The following HDAC5 variants were observed in gnomAD, a reference collection of about 807,000 sequenced individuals.
HDAC5 encodes the protein histone deacetylase 5, also known as antigen NY-CO-9.
In HDAC5, 25 loss-of-function variants were observed where a neutral mutation model predicts 133.3. That is an observed-to-expected ratio of 0.19 (90% CI 0.14 to 0.26). The LOEUF (loss-of-function observed/expected upper bound fraction) is 0.26, where lower values mean the gene tolerates loss of function less well. Ranked by LOEUF, HDAC5 falls within the 10% of genes least tolerant of loss-of-function variation. The pLI, the probability that HDAC5 is intolerant of heterozygous loss-of-function variation, is 1.00. For missense variants in HDAC5, 1,041 were observed against 1,460.5 expected (o/e 0.71, Z 4.68); for synonymous variants, 589 against 610.8 (o/e 0.96, Z 0.53).
intron 3 of HDAC5, among the ~76,000 whole-genome samples, chr17:44,095,388 G>C (rs1260524785): frequency 2.0e-5 from 3 of 152,206 alleles, no homozygotes; most frequent in South Asian, 2.1e-4. Flanking sequence ...GTTGGTTCTA[G>C]GACTGACAGT....
At chr17:44,115,250 G>C (rs2052579684) in intron 2 of HDAC5, among the ~76,000 whole-genome samples, 1 of 152,338 alleles carries the variant, frequency 6.6e-6, no homozygotes. Context: ...TGGGGAAAGA[G>C]GAGCAAGTGT....
intron 20 of HDAC5, 113 bp downstream of exon 20, chr17:44,082,472 G>A (rs2050440548): frequency 2.5e-6 from 2 of 804,610 alleles, no homozygotes; most frequent in Non-Finnish European, 4.2e-6. Context: ...AGCACCCGAG[G>A]ATGAGGACGA....
At chr17:44,102,900 T>G (rs959750829) in intron 3 of HDAC5, among the ~76,000 whole-genome samples, 1 of 149,544 alleles carries the variant, frequency 6.7e-6, no homozygotes, top group African/African-American at 2.5e-5. Flanking sequence ...TCCCCCGACC[T>G]CAGCTGATCC....
chr17:44,082,953 C>A, intron 18 of HDAC5, 133 bp from the exon 19 acceptor site: 1 of 749,308 alleles, frequency 1.3e-6, no homozygotes, highest in South Asian at 1.7e-5. Flanking sequence ...ATGTTTAATG[C>A]ACAATTTTGT....
At chr17:44,096,636 G>A (rs1597982560) in intron 3 of HDAC5, among the ~76,000 whole-genome samples, 2 of 152,074 alleles carry the variant, frequency 1.3e-5, no homozygotes, top group Admixed American at 1.3e-4. Context: ...ACCACGCTCA[G>A]CTAATTTTTT....
chr17:44,082,906 G>T, intron 18 of HDAC5, 86 bp from the exon 19 acceptor site: 3 of 1,151,160 alleles, frequency 2.6e-6, no homozygotes, highest in Non-Finnish European at 3.8e-6. Context: ...CACAAGCCAG[G>T]CAGGGAAGTG....
chr17:44,111,944 T>C (rs965673961), intron 2 of HDAC5, among the ~76,000 whole-genome samples: 2 of 152,182 alleles, frequency 1.3e-5, no homozygotes, highest in African/African-American at 4.8e-5. Context: ...TCCATGGCAA[T>C]GTGCCAGGTG....
At chr17:44,088,958 C>G (rs1297849884) in intron 11 of HDAC5, among the ~76,000 whole-genome samples, 5 of 152,024 alleles carry the variant, frequency 3.3e-5, no homozygotes, top group African/African-American at 1.2e-4. Flanking sequence ...CATGGATCCT[C>G]CCCGTGGATC....
chr17:44,110,916 G>A (rs765486381), intron 2 of HDAC5, 116 bp from the exon 3 acceptor site: 9 of 847,224 alleles, frequency 1.1e-5, no homozygotes, highest in East Asian at 2.7e-5. Flanking sequence ...GGAGCAGACC[G>A]AAGGGAAGGT....
chr17:44,097,393 AGTGGCCAGAT>A (rs1248348333), intron 3 of HDAC5, among the ~76,000 whole-genome samples: 2 of 152,278 alleles, frequency 1.3e-5, no homozygotes, highest in African/African-American at 2.4e-5. Flanking sequence ...CATGTGCAGA[AGTGGCCAGAT>A]GTGGCCAGAG....
Position 44,093,596 on chromosome 17 carries a change from G to T in HDAC5, c.333C>A (p.Val111=). 6.2e-7 allele frequency: 1 copy of T among 1,609,944 alleles called. No homozygotes were observed. Among genetic ancestry groups the T allele is most frequent in the Non-Finnish European group, 8.5e-7 (1 of 1,177,948 alleles). The change falls in exon 4 of 27, where the codon GTC becomes GTA. Residue 111 remains valine, a synonymous_variant. Coordinates refer to ENST00000682912, the MANE Select transcript of HDAC5 (RefSeq NM_005474.5). ...QHDHLTRQHE[V]QLQKHLKQQQ... is the part of the protein sequence containing the mutation. ...TCACCTTGAGGTGCTTCTGCAGCTGGACCTCATGCTGCCTTGTCAGGTGGT... is the reference window on the plus strand; with the variant it reads ...TCACCTTGAGGTGCTTCTGCAGCTGTACCTCATGCTGCCTTGTCAGGTGGT...
chr17:44,078,500 C>A lies in HDAC5; in HGVS notation c.3329G>T (p.Arg1110Met). 1 of 1,605,974 alleles carries A rather than the reference C, an allele frequency of 6.2e-7. No individual in the cohort carries two copies. Among genetic ancestry groups the A allele is most frequent in the Non-Finnish European group, 8.5e-7 (1 of 1,175,742 alleles). Residue 1110 changes from arginine (R) to methionine (M), a missense_variant and splice_region_variant, in exon 26 of 27, where the codon AGG becomes ATG. By Grantham distance (91) the Arg-to-Met change is moderately conservative (BLOSUM62 -1). Coordinates refer to ENST00000682912, the MANE Select transcript of HDAC5 (RefSeq NM_005474.5). ...QAAAAREHSPRPAEEPMEQEP... is the reference protein window; with the variant it reads ...QAAAAREHSPMPAEEPMEQEP... ...AGAGGTGGTGCGGGTTGCTGCTTAC[C>A]TGGGGCTGTGTTCCCGGGCTGCCGC...
chr17:44,079,779 A>T (rs961455787), intron 23 of HDAC5, among the ~76,000 whole-genome samples: 1 of 152,194 alleles, frequency 6.6e-6, no homozygotes, highest in Non-Finnish European at 1.5e-5. Flanking sequence ...TAAATGCCCT[A>T]TCACAGTCAA....
chr17:44,092,850 C>T (rs763184356), intron 6 of HDAC5, 44 bp from the exon 7 acceptor site: 17 of 821,026 alleles, frequency 2.1e-5, no homozygotes, highest in Non-Finnish European at 2.7e-5. Flanking sequence ...TCTAGGTTAT[C>T]ACCCAGTCTG....
chr17:44,117,824 C>A lies in HDAC5; in HGVS notation c.-189-120G>T. ...GGGATGAGAGGGAGGGATACCTGCC[C>A]ACAGCCACAGGAGAAATCTGCAGAA... is the stretch of plus-strand genomic sequence containing the variant. On this transcript the variant is annotated intron_variant, in intron 1 of 26. Coordinates refer to ENST00000682912, the MANE Select transcript of HDAC5 (RefSeq NM_005474.5). This position sits in a 1 kb window ranked among gnomAD's most constrained non-coding sequence, Gnocchi z 4.2. 1.8e-6 allele frequency: 1 copy of A among 559,872 alleles called. No homozygotes were observed. The highest frequency in any genetic ancestry group is 2.4e-5 in the South Asian group (1 of 41,932). The allele number at this position is 559,872 out of a possible 1,614,324, so 34.7% of individuals were successfully genotyped here. A position where few individuals can be genotyped will look rare whatever the true frequency, so the allele number is the denominator to read the frequency against.
At chr17:44,108,777 AAAAAAAC>A (rs2052150044) in intron 3 of HDAC5, among the ~76,000 whole-genome samples, 2 of 150,836 alleles carry the variant, frequency 1.3e-5, no homozygotes, top group African/African-American at 4.9e-5. Flanking sequence ...AAAAAACAAA[AAAAAAAC>A]AAGGCTGCCG....
Position 44,093,414 on chromosome 17 carries a change from C to T in HDAC5, c.426G>A (p.Glu142=). Residue 142 remains glutamate, a synonymous_variant, in exon 5 of 27, where the codon GAG becomes GAA. Transcript: ENST00000682912. ...GCTGCTGCTCCCGCTGCCGCTGCTG[C>T]TCCAGCTCCTGCTGCCGCTTGGCTG... The part of the protein sequence containing the change: ...MLAAKRQQEL[E]QQRQREQQRQ... 6.3e-7 allele frequency: 1 copy of T among 1,599,562 alleles called. No homozygotes were observed. The highest frequency in any genetic ancestry group is 1.1e-5 in the South Asian group (1 of 90,466).
At chr17:44,080,265 A>T (rs2050328268) in intron 22 of HDAC5, 40 bp from the exon 23 acceptor site, 1 of 1,580,796 alleles carries the variant, frequency 6.3e-7, no homozygotes, top group Non-Finnish European at 8.7e-7. Flanking sequence ...GCAGATGACC[A>T]GGCCAGGCCT....
In HDAC5 at chr17:44,092,513, A is replaced by C. The variant is rs1184005879; in HGVS notation, c.787T>G (p.Leu263Val). 6.2e-7 allele frequency: 1 copy of C among 1,613,324 alleles called. No individual in the cohort carries two copies. The part of the protein sequence containing the change: ...PLRKTASEPN[L>V]KVRSRLKQKV... ...TGTTTTAGCCTTGAACGCACTTTCA[A>C]GTTGGGTTCAGAGGCTGGAGAGAAG... Residue 263 changes from leucine (L) to valine (V), a missense_variant, in exon 8 of 27, where the codon TTG becomes GTG. Leu to Val is a conservative substitution (Grantham distance 32). Transcript: ENST00000682912.
Sources: allele counts gnomAD v4.1 joint callset (sites outside exome capture counted in the v4.1 genomes callset), GRCh38; gene constraint gnomAD v4.1.1; non-coding constraint Gnocchi (gnomAD v3.1); transcripts MANE v1.5; gene names NCBI Gene and HGNC (gene_info 2026-07-23, HGNC 2026-07-21).